The following LINGO2 variants were observed in gnomAD, a reference collection of about 807,000 sequenced individuals.
LINGO2 encodes the protein leucine rich repeat and Ig domain containing 2, also known as leucine-rich repeat and immunoglobulin-like domain-containing nogo receptor-interacting protein 2.
LINGO2 carries 14 observed loss-of-function variants against 30.6 expected under a neutral mutation model. The observed-to-expected ratio is 0.46, with a 90% CI of 0.30 to 0.72. The LOEUF (loss-of-function observed/expected upper bound fraction) is 0.72, where lower values mean the gene tolerates loss of function less well. Ranked by LOEUF, LINGO2 falls within the 30% of genes least tolerant of loss-of-function variation. The pLI is 0.07. For synonymous variants in LINGO2, 317 were observed against 288.5 expected, an observed-to-expected ratio of 1.10 and a Z score of -1.00; for missense variants, 729 against 751.7, an observed-to-expected ratio of 0.97 and a Z score of 0.35.
At chr9:28,385,721 GA>G (rs1821552204) in intron 2 of LINGO2, among the ~76,000 whole-genome samples, 1 of 152,070 alleles carries the variant, frequency 6.6e-6, no homozygotes, top group Non-Finnish European at 1.5e-5. Flanking sequence ...AATGATAATG[GA>G]AAAATATATG....
At chr9:28,633,699 C>A (rs923239863) in intron 1 of LINGO2, among the ~76,000 whole-genome samples, 1 of 152,182 alleles carries the variant, frequency 6.6e-6, no homozygotes, top group African/African-American at 2.4e-5. Context: ...GATCACAGTA[C>A]TGTGACGCTC....
At chr9:28,337,236 G>A (rs897709457) in intron 3 of LINGO2, among the ~76,000 whole-genome samples, 2 of 150,928 alleles carry the variant, frequency 1.3e-5, no homozygotes, top group Non-Finnish European at 3.0e-5. Flanking sequence ...CAATGCTTAT[G>A]TATTATTTAA....
chr9:28,107,160 CACA>C (rs556135831), intron 4 of LINGO2, among the ~76,000 whole-genome samples: 110 of 152,278 alleles, frequency 7.2e-4, no homozygotes, highest in Non-Finnish European at 1.2e-3. Flanking sequence ...AACTCTCTTG[CACA>C]ACATTTAACA....
chr9:28,840,942 C>G, the LINGO2 span, among the ~76,000 whole-genome samples: 1 of 151,784 alleles, frequency 6.6e-6, no homozygotes, highest in Non-Finnish European at 1.5e-5. Context: ...TCCTTCCTAC[C>G]TTTGAGTTTT....
At chr9:28,700,912 G>A in the LINGO2 span, among the ~76,000 whole-genome samples, 1 of 151,956 alleles carries the variant, frequency 6.6e-6, no homozygotes, top group Non-Finnish European at 1.5e-5. Flanking sequence ...ATGATGTGAA[G>A]CATCTTCTCA....
At chr9:28,730,148 C>T in the LINGO2 span, among the ~76,000 whole-genome samples, 4 of 152,040 alleles carry the variant, frequency 2.6e-5, no homozygotes, top group African/African-American at 9.7e-5. Flanking sequence ...TCACAGGAAA[C>T]ATATTAGTAT....
the LINGO2 span, among the ~76,000 whole-genome samples, chr9:28,879,940 C>T: frequency 1.3e-5 from 2 of 152,090 alleles, no homozygotes; most frequent in African/African-American, 4.8e-5. Flanking sequence ...TTTGAGCTAC[C>T]AGTTCCTAGT....
the LINGO2 span, among the ~76,000 whole-genome samples, chr9:29,096,090 T>G: frequency 1.4e-5 from 2 of 137,990 alleles, 1 homozygote; most frequent in African/African-American, 5.5e-5. Flanking sequence ...GTTGATAGGA[T>G]GAGGTTGGAT....
the LINGO2 span, among the ~76,000 whole-genome samples, chr9:28,951,769 G>T: frequency 6.6e-6 from 1 of 152,096 alleles, no homozygotes; most frequent in Non-Finnish European, 1.5e-5. Context: ...TGCTTCCTGA[G>T]ATTACTCTCT....
At chr9:28,306,496 C>T (rs1314679283) in intron 3 of LINGO2, among the ~76,000 whole-genome samples, 1 of 152,004 alleles carries the variant, frequency 6.6e-6, no homozygotes, top group East Asian at 1.9e-4. Context: ...AAAACTGACA[C>T]CCTAACATCA....
intron 4 of LINGO2, among the ~76,000 whole-genome samples, chr9:28,028,681 T>G (rs1823509128): frequency 6.6e-6 from 1 of 152,166 alleles, no homozygotes; most frequent in Admixed American, 6.5e-5. Flanking sequence ...TGTCACTAGA[T>G]TACTTGTAAC....
At chr9:28,480,831 G>T (rs1452715074) in intron 1 of LINGO2, among the ~76,000 whole-genome samples, 1 of 151,852 alleles carries the variant, frequency 6.6e-6, no homozygotes, top group Non-Finnish European at 1.5e-5. Flanking sequence ...CTTTATAGAG[G>T]GTTAATTGAC....
At chr9:29,186,729 G>A in the LINGO2 span, among the ~76,000 whole-genome samples, 2 of 151,736 alleles carry the variant, frequency 1.3e-5, no homozygotes, top group South Asian at 4.2e-4. Flanking sequence ...TACAGTCAGG[G>A]GTTTTAGAAA....
chr9:27,981,526 G>A (rs1254324197), intron 5 of LINGO2, among the ~76,000 whole-genome samples: 2 of 54,230 alleles, frequency 3.7e-5, no homozygotes, highest in African/African-American at 1.3e-4. Flanking sequence ...GATAAATGAC[G>A]AGGATGGCAA....
intron 1 of LINGO2, among the ~76,000 whole-genome samples, chr9:28,624,632 T>TG (rs147190688): frequency 1.1e-5 from 1 of 90,828 alleles, no homozygotes; most frequent in East Asian, 2.8e-4. Flanking sequence ...TGTAGTTTTC[T>TG]TTTTTTTTAA....
chr9:28,142,159 TTTTTTTTTTTTTTTTGTGGCA>T (rs1163621913), intron 4 of LINGO2, among the ~76,000 whole-genome samples: 8 of 27,792 alleles, frequency 2.9e-4, no homozygotes, highest in Non-Finnish European at 4.1e-4. Context: ...TTCTTTGTCT[TTTTTTTTTTTTTTTTGTGGCA>T]AGTAAGTTAA....
the LINGO2 span, among the ~76,000 whole-genome samples, chr9:29,116,717 A>T: frequency 6.6e-6 from 1 of 151,950 alleles, no homozygotes; most frequent in African/African-American, 2.4e-5. Context: ...GACAGTCTTG[A>T]CAAAGCACTA....
At chr9:29,153,327 G>C in the LINGO2 span, among the ~76,000 whole-genome samples, 3 of 151,804 alleles carry the variant, frequency 2.0e-5, no homozygotes, top group Non-Finnish European at 4.4e-5. Context: ...TTCATTTTTT[G>C]TCAAGCTTTT....
At chr9:28,248,649 C>T (rs890540542) in intron 4 of LINGO2, among the ~76,000 whole-genome samples, 6 of 152,090 alleles carry the variant, frequency 3.9e-5, no homozygotes, top group African/African-American at 1.4e-4. Context: ...AAGATAAATG[C>T]TTGAGGGAAT....
Sources: allele counts gnomAD v4.1 joint callset (sites outside exome capture counted in the v4.1 genomes callset), GRCh38; gene constraint gnomAD v4.1.1; transcripts MANE v1.5; gene names NCBI Gene and HGNC (gene_info 2026-07-23, HGNC 2026-07-21).